Variants in FHOD3 observed in about 807,000 individuals in gnomAD.
FHOD3 encodes formin homology 2 domain containing 3.
In FHOD3, 90 loss-of-function variants were observed where a neutral mutation model predicts 173.0. The observed-to-expected ratio is 0.52, with a 90% CI of 0.44 to 0.62. FHOD3 has a LOEUF of 0.62. FHOD3 is among the 20% of genes least tolerant of loss of function. The probability of loss-of-function intolerance (pLI) is 0.00; values close to 1 mark genes in which losing one functional copy is unlikely to be tolerated. For missense variants in FHOD3, 1,945 were observed against 2,034.7 expected (o/e 0.96, Z 0.85); for synonymous variants, 828 against 823.0 (o/e 1.01, Z -0.10).
At chr18:36,667,900 T>C (rs2037287339) in intron 14 of FHOD3, among the ~76,000 whole-genome samples, 1 of 152,208 alleles carries the variant, frequency 6.6e-6, no homozygotes, top group African/African-American at 2.4e-5. Context: ...TAGAACATTG[T>C]TGACTGAAAT....
At chr18:36,307,806 C>T (rs1174770143) in intron 1 of FHOD3, among the ~76,000 whole-genome samples, 1 of 152,212 alleles carries the variant, frequency 6.6e-6, no homozygotes, top group African/African-American at 2.4e-5. Flanking sequence ...AGAATGAACA[C>T]ATGGATACAT....
intron 3 of FHOD3, among the ~76,000 whole-genome samples, chr18:36,375,224 C>A (rs2047381083): frequency 6.6e-6 from 1 of 152,152 alleles, no homozygotes; most frequent in South Asian, 2.1e-4. Context: ...GTCAAAATGA[C>A]AATCGGAAAT....
intron 3 of FHOD3, among the ~76,000 whole-genome samples, chr18:36,389,120 G>A (rs914645560): frequency 2.0e-5 from 3 of 152,184 alleles, no homozygotes; most frequent in Non-Finnish European, 4.4e-5. Flanking sequence ...TTGTACAAAT[G>A]TGTAGATGAC....
At chr18:36,303,249 G>C (rs1283347119) in intron 1 of FHOD3, among the ~76,000 whole-genome samples, 1 of 152,208 alleles carries the variant, frequency 6.6e-6, no homozygotes, top group Non-Finnish European at 1.5e-5. Context: ...CTGCGTTTAA[G>C]TGAAGGAGCT....
chr18:36,640,000 C>T (rs1023024280), intron 10 of FHOD3, among the ~76,000 whole-genome samples: 9 of 152,104 alleles, frequency 5.9e-5, no homozygotes, highest in African/African-American at 2.2e-4. Flanking sequence ...TGTTAAATTA[C>T]TCCATGTTTC....
chr18:36,665,927 T>A (rs1019048045), intron 14 of FHOD3, among the ~76,000 whole-genome samples: 1 of 152,168 alleles, frequency 6.6e-6, no homozygotes, highest in Non-Finnish European at 1.5e-5. Context: ...ACTGACCTCC[T>A]TTGGGCCGGA....
chr18:36,626,101 T>C (rs750834318), intron 10 of FHOD3, among the ~76,000 whole-genome samples: 4 of 152,148 alleles, frequency 2.6e-5, no homozygotes, highest in African/African-American at 7.2e-5. Context: ...AAATAACCAC[T>C]GTAGGAATGT....
intron 23 of FHOD3, 75 bp downstream of exon 23, chr18:36,744,268 A>G (rs566723873): frequency 3.4e-6 from 5 of 1,490,934 alleles, no homozygotes; most frequent in South Asian, 2.5e-5. Context: ...TCCTCGAGGA[A>G]CACGAGCCCT....
In FHOD3 at chr18:36,497,476, A is replaced by G. The variant is rs535371606; in HGVS notation, c.338-4456A>G. 2.6e-5 allele frequency among the ~76,000 whole-genome samples: 4 copies of G among 152,372 alleles called. No individual in the cohort carries two copies. The East Asian group carries it at 7.7e-4, about 29-fold the overall frequency. ...TCAGATTGCATGTAAGCAAGATGCA[A>G]CTATATAAGAAATTCTACATAGATA... is the stretch of plus-strand genomic sequence containing the variant. On this transcript the variant is annotated intron_variant, in intron 3 of 28. Transcript: ENST00000590592.
chr18:36,416,221 G>C (rs2049638636), intron 3 of FHOD3, among the ~76,000 whole-genome samples: 1 of 152,110 alleles, frequency 6.6e-6, no homozygotes, highest in Non-Finnish European at 1.5e-5. Context: ...TTTTATTAGA[G>C]ACAGGGTTCC....
At chr18:36,506,905 C>T (rs183673032) in intron 4 of FHOD3, among the ~76,000 whole-genome samples, 8 of 152,312 alleles carry the variant, frequency 5.3e-5, no homozygotes, top group African/African-American at 1.4e-4. Context: ...CTAGAGGACT[C>T]GCTTCTGGAC....
chr18:36,485,435 A>C (rs1309796449), intron 3 of FHOD3, among the ~76,000 whole-genome samples: 3 of 152,134 alleles, frequency 2.0e-5, no homozygotes, highest in Admixed American at 6.5e-5. Flanking sequence ...GCCTGTGAGC[A>C]TGCGCCCACC....
intron 14 of FHOD3, among the ~76,000 whole-genome samples, chr18:36,677,592 C>T (rs1158619935): frequency 6.6e-6 from 1 of 152,208 alleles, no homozygotes; most frequent in African/African-American, 2.4e-5. Context: ...CACTGTCTCA[C>T]TCCATTCGTC....
intron 6 of FHOD3, among the ~76,000 whole-genome samples, chr18:36,593,319 A>T (rs2059290888): frequency 1.3e-5 from 2 of 152,142 alleles, no homozygotes; most frequent in African/African-American, 4.8e-5. Context: ...CACCTCTTTG[A>T]AGAAGTTTCC....
intron 3 of FHOD3, among the ~76,000 whole-genome samples, chr18:36,428,824 G>A (rs144255704): frequency 5.5e-4 from 84 of 152,294 alleles, no homozygotes; most frequent in African/African-American, 1.9e-3. Context: ...TAGGTCAGGT[G>A]TTCTTCCTGG....
chr18:36,609,811 A>G (rs1396500712), intron 8 of FHOD3, among the ~76,000 whole-genome samples: 1 of 151,986 alleles, frequency 6.6e-6, no homozygotes, highest in Non-Finnish European at 1.5e-5. Flanking sequence ...GGGTTTCGCC[A>G]TGTTGGCCAG....
intron 20 of FHOD3, among the ~76,000 whole-genome samples, chr18:36,733,911 G>A (rs535174209): frequency 1.1e-4 from 16 of 152,172 alleles, no homozygotes; most frequent in Non-Finnish European, 1.8e-4. Flanking sequence ...GCCGGGGAGC[G>A]GGGACACAAG....
intron 3 of FHOD3, among the ~76,000 whole-genome samples, chr18:36,417,266 G>T (rs1220799146): frequency 6.6e-6 from 1 of 152,028 alleles, no homozygotes; most frequent in African/African-American, 2.4e-5. Context: ...TCCCCTCTAT[G>T]TGTCCATGTG....
At chr18:36,420,752 G>T (rs922014050) in intron 3 of FHOD3, among the ~76,000 whole-genome samples, 2 of 152,204 alleles carry the variant, frequency 1.3e-5, no homozygotes, top group Non-Finnish European at 2.9e-5. Flanking sequence ...TAGCTTATCT[G>T]TGATTCACTT....
Sources: gnomAD v4.1 joint callset for allele counts (sites outside exome capture counted in the v4.1 genomes callset) on GRCh38, gnomAD v4.1.1 for gene constraint, MANE v1.5 for transcripts, NCBI Gene and HGNC (gene_info 2026-07-23, HGNC 2026-07-21) for gene names.